The following CGN variants were observed in gnomAD, a reference collection of about 807,000 sequenced individuals.
CGN encodes cingulin.
CGN carries 121 observed loss-of-function variants against 157.1 expected under a neutral mutation model. The ratio of observed to expected loss-of-function variants is 0.77; its 90% CI spans 0.66 to 0.90. The LOEUF (loss-of-function observed/expected upper bound fraction) is 0.90. CGN is among the 40% of genes least tolerant of loss of function. The pLI, the probability that CGN is intolerant of heterozygous loss-of-function variation, is 0.00. For missense variants in CGN, 1,424 were observed against 1,520.9 expected, an observed-to-expected ratio of 0.94 and a Z score of 1.06; for synonymous variants, 535 against 607.5, an observed-to-expected ratio of 0.88 and a Z score of 1.76.
intron 10 of CGN, among the ~76,000 whole-genome samples, chr1:151,528,700 C>T (rs1664757493): frequency 1.3e-5 from 2 of 152,084 alleles, no homozygotes; most frequent in South Asian, 4.2e-4. Flanking sequence ...GAGCCACTGG[C>T]GCCTGGCCCC....
chr1:151,514,087 G>A (rs1422911315), intron 1 of CGN, among the ~76,000 whole-genome samples: 2 of 152,176 alleles, frequency 1.3e-5, no homozygotes, highest in African/African-American at 4.8e-5. Flanking sequence ...TAGGTTTCGG[G>A]TTTTCCATGT....
At chr1:151,514,109 G>A (rs1664358276) in intron 1 of CGN, among the ~76,000 whole-genome samples, 1 of 152,230 alleles carries the variant, frequency 6.6e-6, no homozygotes, top group South Asian at 2.1e-4. Flanking sequence ...GAATCATTTA[G>A]AGCCCTGCTT....
chr1:151,519,520 C>G, intron 2 of CGN, 128 bp downstream of exon 2: 1 of 805,742 alleles, frequency 1.2e-6, no homozygotes, highest in Admixed American at 2.9e-5. Flanking sequence ...GCCTTTTGTT[C>G]TCTACTGTAT....
intron 2 of CGN, 48 bp from the exon 3 acceptor site, chr1:151,520,118 A>G (rs1557986850): frequency 7.0e-7 from 1 of 1,423,600 alleles, no homozygotes; most frequent in Non-Finnish European, 9.6e-7. Flanking sequence ...TAATCTTCCT[A>G]TTTCTTTCTT....
chr1:151,529,599 AG>A, intron 11 of CGN, 40 bp downstream of exon 11: 11 of 1,570,202 alleles, frequency 7.0e-6, no homozygotes, highest in Non-Finnish European at 9.6e-6. Context: ...GTGGAGGCTG[AG>A]GGTGTCTGGA....
At position 151,524,182 on chromosome 1, in the gene CGN, G is replaced by T. The variant is rs1009544762; in HGVS notation, c.1269-44G>T. 6.7e-7 allele frequency: 1 copy of T among 1,499,858 alleles called. No individual in the cohort carries two copies. The highest frequency in any genetic ancestry group is 2.3e-5 in the East Asian group (1 of 43,700). The allele number at this position is 1,499,858 out of a possible 1,614,324, so 92.9% of individuals were successfully genotyped here. ...AATTAAAATATATGATGCGTTTAGA[G>T]AACTGCCTGACACATAGTGTGCAAT... is the stretch of plus-strand genomic sequence containing the variant. On this transcript the variant is annotated intron_variant, in intron 6 of 20. Coordinates refer to ENST00000271636, the MANE Select transcript of CGN (RefSeq NM_020770.3). This position sits in a 1 kb window ranked among gnomAD's most constrained non-coding sequence, Gnocchi z 4.4.
At position 151,524,248 on chromosome 1, in the gene CGN, T is replaced by G. The variant is rs765050263; in HGVS notation, c.1291T>G (p.Leu431Val). 13 of 1,614,086 alleles carry G rather than the reference T, an allele frequency of 8.1e-6. No homozygotes were observed. Among genetic ancestry groups the G allele is most frequent in the Non-Finnish European group, 2.5e-6 (3 of 1,179,980 alleles). ...NKELQNMKRL[L>V]DQGEDLRHGL... ...TAGGCTCCAGAACATGAAGCGCCTC[T>G]TGGACCAGGGTGAAGATTTACGACA... The change falls in exon 7 of 21, where the codon TTG becomes GTG. Residue 431 changes from leucine (L) to valine (V), a missense_variant. Physicochemically the swap from Leu to Val is conservative, Grantham distance 32 (BLOSUM62 1). This residue lies in a region of CGN where 1,187 missense variants were observed against 1,217.6 expected (regional missense o/e 0.97). Coordinates refer to ENST00000271636, the MANE Select transcript of CGN (RefSeq NM_020770.3). This position sits in a 1 kb window ranked among gnomAD's most constrained non-coding sequence, Gnocchi z 4.4.
intron 1 of CGN, among the ~76,000 whole-genome samples, chr1:151,513,353 C>T (rs1052708299): frequency 1.3e-5 from 2 of 152,176 alleles, no homozygotes; most frequent in Admixed American, 6.5e-5. Context: ...TAGCCTGGCT[C>T]TCAGGTTTCT....
chr1:151,520,322 C>T, intron 3 of CGN, 56 bp downstream of exon 3: 3 of 1,568,220 alleles, frequency 1.9e-6, no homozygotes, highest in Non-Finnish European at 2.6e-6. Context: ...TTTCTTCTAG[C>T]TTTGTTTCCC....
Position 151,537,349 on chromosome 1 carries a change from C to T in CGN, c.*3C>T, listed in dbSNP as rs1276286279. 3.1e-6 allele frequency: 5 copies of T among 1,612,406 alleles called. No homozygotes were observed. The highest frequency in any genetic ancestry group is 2.7e-5 in the African/African-American group (2 of 74,986). ...ACCTACAGACCAGCTCCTGTTAGCTCGTGGTCCTCAAGGACTCAGAAACCA... is the reference window on the plus strand; with the variant it reads ...ACCTACAGACCAGCTCCTGTTAGCTTGTGGTCCTCAAGGACTCAGAAACCA... On this transcript the variant is annotated 3_prime_UTR_variant, in exon 21 of 21. Coordinates refer to ENST00000271636, the MANE Select transcript of CGN (RefSeq NM_020770.3).
At chr1:151,527,139 TA>T in intron 10 of CGN, 32 bp downstream of exon 10, 2 of 1,613,082 alleles carry the variant, frequency 1.2e-6, no homozygotes, top group East Asian at 2.2e-5. Context: ...GAATGGTAGG[TA>T]GGGGTGATGA....
intron 1 of CGN, among the ~76,000 whole-genome samples, chr1:151,517,959 A>C (rs897157535): frequency 6.7e-6 from 1 of 148,970 alleles, no homozygotes; most frequent in Admixed American, 6.7e-5. Context: ...TGATCCTCCC[A>C]CCTCAGCCTC....
rs1304334897 is a variant in CGN, at chr1:151,529,576, C to G, written c.2106+17C>G. The G allele has an allele frequency of 6.2e-7, 1 of 1,606,798 alleles. No individual in the cohort carries two copies. Among genetic ancestry groups the G allele is most frequent in the Non-Finnish European group, 8.5e-7 (1 of 1,175,504 alleles). The stretch of plus-strand genomic sequence containing the variant: ...GCTTCCAAGGCAAGGGGAGTGGGCA[C>G]AGGGCTTAGGAGGTGGAGGCTGAGG... On this transcript the variant is annotated intron_variant, in intron 11 of 20. Coordinates refer to ENST00000271636, the MANE Select transcript of CGN (RefSeq NM_020770.3).
At chr1:151,511,206 G>A (rs1176023439), upstream of CGN, among the ~76,000 whole-genome samples, 2 of 152,300 alleles carry the variant, frequency 1.3e-5, no homozygotes, top group African/African-American at 4.8e-5. This position sits in a 1 kb window ranked among gnomAD's most constrained non-coding sequence, Gnocchi z 4.8. Context: ...CAGCCCGTGG[G>A]TCCACGTGAC....
Position 151,524,541 on chromosome 1 carries a change from T to A in CGN, c.1402-133T>A. ...AGTTAGGATAAAGGAAACCTATCATTCTGGGCTCCAGTACTGGTACTAGAG... is the reference window on the plus strand; with the variant it reads ...AGTTAGGATAAAGGAAACCTATCATACTGGGCTCCAGTACTGGTACTAGAG... On this transcript the variant is annotated intron_variant, in intron 7 of 20. Transcript: ENST00000271636. The surrounding 1 kb of genome is among the most constrained non-coding windows in gnomAD (Gnocchi z 4.4). 2 of 1,180,688 alleles carry A rather than the reference T, an allele frequency of 1.7e-6. No individual in the cohort carries two copies. Among genetic ancestry groups the A allele is most frequent in the Non-Finnish European group, 2.4e-6 (2 of 832,166 alleles). The allele number at this position is 1,180,688 out of a possible 1,614,324, so 73.1% of individuals were successfully genotyped here. A position where few individuals can be genotyped will look rare whatever the true frequency, so the allele number is the denominator to read the frequency against.
rs149218414 is a variant in CGN, at chr1:151,528,927, T to G, written c.1897-423T>G. On this transcript the variant is annotated intron_variant, in intron 10 of 20. Transcript: ENST00000271636. ...TATGGGCCTTAAGGGTCTGGCTTCT[T>G]TCACCTAGCATAGTGTTTTCAAGGT... Among the ~76,000 whole-genome samples, 643 of 152,304 alleles carry G rather than the reference T, an allele frequency of 4.2e-3. 8 individuals are homozygous for G. Among genetic ancestry groups the G allele is most frequent in the Middle Eastern group, 0.027 (8 of 294 alleles).
chr1:151,535,156 T>C (rs757928006), intron 16 of CGN, 25 bp downstream of exon 16: 70 of 1,527,458 alleles, frequency 4.6e-5, no homozygotes, highest in South Asian at 5.6e-5. Context: ...CCCTCATCTC[T>C]GTTTACCCCT....
At chr1:151,534,967 T>G in intron 15 of CGN, 75 bp from the exon 16 acceptor site, 1 of 1,046,322 alleles carries the variant, frequency 9.6e-7, no homozygotes, top group Non-Finnish European at 1.5e-6. Flanking sequence ...TGCTGGAGTT[T>G]GAGAGGCTCC....
intron 1 of CGN, among the ~76,000 whole-genome samples, chr1:151,512,737 C>T (rs1664328490): frequency 6.6e-6 from 1 of 152,222 alleles, no homozygotes; most frequent in South Asian, 2.1e-4. Context: ...TGTAGATGGG[C>T]TGCCTACACA....
Sources: gnomAD v4.1 joint callset for allele counts (sites outside exome capture counted in the v4.1 genomes callset) on GRCh38, gnomAD v4.1.1 for gene constraint, gnomAD v4.1.1 regional missense constraint, Gnocchi (gnomAD v3.1) non-coding constraint, MANE v1.5 for transcripts, NCBI Gene and HGNC (gene_info 2026-07-23, HGNC 2026-07-21) for gene names.